PDE6G: variants seen among roughly 807,000 people sequenced by gnomAD.
The protein encoded by PDE6G is rod cGMP 3',5'-cyclic phosphodiesterase subunit gamma.
PDE6G carries 10 observed loss-of-function variants against 10.9 expected under a neutral mutation model. That is an observed-to-expected ratio of 0.91 (90% CI 0.56 to 1.55). PDE6G has a LOEUF of 1.55. Among genes scored for constraint, PDE6G ranks in the 40% most tolerant of loss-of-function variants. The pLI is 0.00. For missense variants in PDE6G, 102 were observed against 110.1 expected (o/e 0.93, Z 0.33); for synonymous variants, 41 against 42.8 (o/e 0.96, Z 0.16).
rs1377474336 is a variant in PDE6G, at chr17:81,656,509, C to G, written c.-76G>C. 6 of 763,632 alleles carry G rather than the reference C, an allele frequency of 7.9e-6. No homozygotes were observed. In the Admixed American group the frequency reaches 8.5e-5, roughly 11 times the overall value. 47.3% of individuals were successfully genotyped at this position (763,632 alleles called of 1,614,324 possible). On this transcript the variant is annotated 5_prime_UTR_variant, in exon 1 of 4. Coordinates refer to ENST00000331056, the MANE Select transcript of PDE6G (RefSeq NM_002602.4). ...ACTACTCACCAAGTGCAGGGCGGGT[C>G]TCAGGGGGCTGTGCTGTGAGTGCTG...
intron 1 of PDE6G, among the ~76,000 whole-genome samples, chr17:81,654,580 C>T (rs866591970): frequency 2.0e-5 from 3 of 151,902 alleles, no homozygotes; most frequent in African/African-American, 7.2e-5. Context: ...GATGGGGTTT[C>T]ACCATCTTGG....
At chr17:81,657,742 G>A (rs865992852), upstream of PDE6G, among the ~76,000 whole-genome samples, 1 of 151,956 alleles carries the variant, frequency 6.6e-6, no homozygotes, top group Non-Finnish European at 1.5e-5. Context: ...TTAGCCGGGC[G>A]TGGTGGCATG....
chr17:81,651,296 T>G lies in PDE6G; in HGVS notation c.188-146A>C. The stretch of plus-strand genomic sequence containing the variant: ...CGGACGCTGGAGTGGGGCCCTCCTC[T>G]GGGGACACACTGGCTGTGGGGGAAG... On this transcript the variant is annotated intron_variant, in intron 3 of 3. Coordinates refer to ENST00000331056, the MANE Select transcript of PDE6G (RefSeq NM_002602.4). The surrounding 1 kb of genome is among the most constrained non-coding windows in gnomAD (Gnocchi z 4.8). The G allele has an allele frequency of 1.5e-6, 1 of 680,936 alleles. No homozygotes were observed. The highest frequency in any genetic ancestry group is 2.7e-6 in the Non-Finnish European group (1 of 377,264). 42.2% of individuals were successfully genotyped at this position (680,936 alleles called of 1,614,324 possible).
upstream of PDE6G, among the ~76,000 whole-genome samples, chr17:81,660,376 C>T (rs1159553343): frequency 1.3e-5 from 2 of 152,158 alleles, no homozygotes; most frequent in East Asian, 3.8e-4. Flanking sequence ...TGTGCCATTG[C>T]TCTCTAGCCT....
chr17:81,657,797 C>T (rs1296384193), upstream of PDE6G, among the ~76,000 whole-genome samples: 2 of 152,004 alleles, frequency 1.3e-5, no homozygotes, highest in South Asian at 2.1e-4. Flanking sequence ...AGGAGAATGG[C>T]GTGAACCCGG....
At chr17:81,658,175 C>G (rs2036473017), upstream of PDE6G, among the ~76,000 whole-genome samples, 1 of 151,910 alleles carries the variant, frequency 6.6e-6, no homozygotes. Context: ...ACCTCTGCCT[C>G]CTGAGTTCAA....
chr17:81,653,464 A>G lies in PDE6G; in HGVS notation c.-59-100T>C, dbSNP rs899294327. 1.3e-6 allele frequency: 1 copy of G among 761,122 alleles called. No individual in the cohort carries two copies. The highest frequency in any genetic ancestry group is 1.7e-5 in the South Asian group (1 of 60,226). The allele number at this position is 761,122 out of a possible 1,614,324, so 47.1% of individuals were successfully genotyped here. A position where few individuals can be genotyped will look rare whatever the true frequency, so the allele number is the denominator to read the frequency against. On this transcript the variant is annotated intron_variant, in intron 1 of 3. Transcript: ENST00000331056. This position sits in a 1 kb window ranked among gnomAD's most constrained non-coding sequence, Gnocchi z 5.2. ...GGAGGGGCTGAGACCCAGCCCCGCC[A>G]GCTCCAGCGTCATCCAGACAGCAGC... is the stretch of plus-strand genomic sequence containing the variant.
chr17:81,651,750 G>T lies in PDE6G; in HGVS notation c.147-65C>A, dbSNP rs774995002. ...TCCTGGCTCAGTCAGCCTGAGGCCC[G>T]AGGTCATCTCTAGCCTTCCTAGGAG... On this transcript the variant is annotated intron_variant, in intron 2 of 3. Transcript: ENST00000331056. The surrounding 1 kb of genome is among the most constrained non-coding windows in gnomAD (Gnocchi z 4.8). 1 of 1,551,032 alleles carries T rather than the reference G, an allele frequency of 6.4e-7. No homozygotes were observed. The highest frequency in any genetic ancestry group is 1.4e-5 in the African/African-American group (1 of 73,490).
At position 81,651,001 on chromosome 17, in the gene PDE6G, A is replaced by T; in HGVS notation, c.*73T>A. The T allele has an allele frequency of 1.7e-6, 2 of 1,155,564 alleles. No individual in the cohort carries two copies. Among genetic ancestry groups the T allele is most frequent in the South Asian group, 1.2e-5 (1 of 81,504 alleles). 71.6% of individuals were successfully genotyped at this position (1,155,564 alleles called of 1,614,324 possible). ...TCTGGGCTAGGGAGGCATCTCCTCA[A>T]CAGGAATCCTGAGCAGGGTTTAGAG... On this transcript the variant is annotated 3_prime_UTR_variant, in exon 4 of 4. Coordinates refer to ENST00000331056, the MANE Select transcript of PDE6G (RefSeq NM_002602.4). The surrounding 1 kb of genome is among the most constrained non-coding windows in gnomAD (Gnocchi z 4.8).
chr17:81,656,588 T>C, upstream of PDE6G: 1 of 751,850 alleles, frequency 1.3e-6, no homozygotes, highest in East Asian at 2.5e-5. Flanking sequence ...CTTCATGAGC[T>C]GATTAGGCGT....
chr17:81,652,916 A>T (rs2036385043), intron 2 of PDE6G, among the ~76,000 whole-genome samples: 2 of 142,708 alleles, frequency 1.4e-5, no homozygotes, highest in Non-Finnish European at 1.5e-5. Context: ...CCTGGCCGGC[A>T]GTGGCTGTAT....
At chr17:81,659,057 T>C (rs2036484382), upstream of PDE6G, among the ~76,000 whole-genome samples, 1 of 151,846 alleles carries the variant, frequency 6.6e-6, no homozygotes. Flanking sequence ...GGATTCAAGT[T>C]ATGCTGCAAT....
Position 81,650,521 on chromosome 17 carries a change from A to T in PDE6G, c.*553T>A. ...GCAAGGGCAGGCTGTATTGAGAAGGATGGCCCCCTGGTGTGATGAGCTTGG... is the reference window on the plus strand; with the variant it reads ...GCAAGGGCAGGCTGTATTGAGAAGGTTGGCCCCCTGGTGTGATGAGCTTGG... On this transcript the variant is annotated 3_prime_UTR_variant, in exon 4 of 4. Coordinates refer to ENST00000331056, the MANE Select transcript of PDE6G (RefSeq NM_002602.4). 2.2e-6 allele frequency: 1 copy of T among 454,030 alleles called. No individual in the cohort carries two copies. Among genetic ancestry groups the T allele is most frequent in the Non-Finnish European group, 4.4e-6 (1 of 226,736 alleles). The allele number at this position is 454,030 out of a possible 1,614,324, so 28.1% of individuals were successfully genotyped here. A position where few individuals can be genotyped will look rare whatever the true frequency, so the allele number is the denominator to read the frequency against.
At chr17:81,659,794 T>C (rs925773410), upstream of PDE6G, among the ~76,000 whole-genome samples, 11 of 152,088 alleles carry the variant, frequency 7.2e-5, no homozygotes, top group African/African-American at 2.7e-4. Context: ...TTACATGAAA[T>C]GAAACTATTA....
chr17:81,656,846 T>C (rs2036453516), upstream of PDE6G: 1 of 552,490 alleles, frequency 1.8e-6, no homozygotes, highest in Non-Finnish European at 3.3e-6. Context: ...TGACCCTGCC[T>C]GATCTCTGAA....
chr17:81,652,097 C>T (rs895081297), intron 2 of PDE6G, among the ~76,000 whole-genome samples: 3 of 152,152 alleles, frequency 2.0e-5, no homozygotes, highest in South Asian at 2.1e-4. Flanking sequence ...CCCGTGTGTG[C>T]GCACACGTGT....
Position 81,651,196 on chromosome 17 carries a change from G to A in PDE6G, c.188-46C>T. 1.4e-6 allele frequency: 2 copies of A among 1,402,586 alleles called. No individual in the cohort carries two copies. The highest frequency in any genetic ancestry group is 2.3e-5 in the East Asian group (1 of 43,776). 86.9% of individuals were successfully genotyped at this position (1,402,586 alleles called of 1,614,324 possible). On this transcript the variant is annotated intron_variant, in intron 3 of 3. Transcript: ENST00000331056. The surrounding 1 kb of genome is among the most constrained non-coding windows in gnomAD (Gnocchi z 4.8). ...GGATCAGAGAGGATCCCACGGCCTA[G>A]GGACCCCCCCATCCCCTGTGGCCCT...
At position 81,654,321 on chromosome 17, in the gene PDE6G, G is replaced by A. The variant is rs372380648; in HGVS notation, c.-59-957C>T. 9.8e-4 allele frequency among the ~76,000 whole-genome samples: 149 copies of A among 151,688 alleles called. 1 individual carries two copies. The highest frequency in any genetic ancestry group is 3.1e-3 in the African/African-American group (129 of 41,276). ...TCTGATTTGCCGCTTCTCATCACGC[G>A]TCGAGTTAGCCCTGATTCCAGGCTG... is the stretch of plus-strand genomic sequence containing the variant. On this transcript the variant is annotated intron_variant, in intron 1 of 3. Coordinates refer to ENST00000331056, the MANE Select transcript of PDE6G (RefSeq NM_002602.4).
chr17:81,658,501 G>C (rs68189488), upstream of PDE6G, among the ~76,000 whole-genome samples: 13,276 of 151,964 alleles, frequency 0.087, 836 homozygotes, highest in East Asian at 0.21. Flanking sequence ...CTGGGGGACA[G>C]AGAGAGACCC....
Sources: allele counts gnomAD v4.1 joint callset (sites outside exome capture counted in the v4.1 genomes callset), GRCh38; gene constraint gnomAD v4.1.1; non-coding constraint Gnocchi (gnomAD v3.1); transcripts MANE v1.5; gene names NCBI Gene and HGNC (gene_info 2026-07-23, HGNC 2026-07-21).